Variants in SDCCAG8 observed in about 807,000 individuals in gnomAD.
SDCCAG8 encodes the protein SHH signaling and ciliogenesis regulator SDCCAG8, also known as serologically defined colon cancer antigen 8.
A neutral mutation model predicts 101.8 loss-of-function variants in SDCCAG8; 74 were observed. The ratio of observed to expected loss-of-function variants is 0.73; its 90% CI spans 0.60 to 0.88. The LOEUF (loss-of-function observed/expected upper bound fraction) is 0.88. Ranked by LOEUF, SDCCAG8 falls within the 40% of genes least tolerant of loss-of-function variation. The probability of loss-of-function intolerance (pLI) is 0.00; values close to 1 mark genes in which losing one functional copy is unlikely to be tolerated. For missense variants in SDCCAG8, 787 were observed against 822.6 expected (o/e 0.96, Z 0.53); for synonymous variants, 281 against 292.9 (o/e 0.96, Z 0.41).
intron 10 of SDCCAG8, among the ~76,000 whole-genome samples, chr1:243,335,535 G>A (rs1289885476): frequency 7.2e-5 from 11 of 152,282 alleles, no homozygotes; most frequent in African/African-American, 2.4e-4. Context: ...TATTCCAGGT[G>A]CCTTCATATG....
intron 13 of SDCCAG8, 34 bp from the exon 14 acceptor site, chr1:243,415,668 T>A (rs1277454196): frequency 6.2e-7 from 1 of 1,613,368 alleles, no homozygotes; most frequent in Non-Finnish European, 8.5e-7. Flanking sequence ...CATCTGCAGA[T>A]TAAATTTCTG....
At chr1:243,315,606 A>T (rs553593224) in intron 8 of SDCCAG8, among the ~76,000 whole-genome samples, 104 of 152,300 alleles carry the variant, frequency 6.8e-4, no homozygotes, top group African/African-American at 2.4e-3. Flanking sequence ...GCTGCTTTCC[A>T]AATACCACAA....
Position 243,293,105 on chromosome 1 carries a change from TTCTTGG to T in SDCCAG8, c.562_567del (p.Ser188_Trp189del). On this transcript the variant is annotated inframe_deletion, in exon 6 of 18. Transcript: ENST00000366541. ...TTTTATTTTAGGGAAACATGCACAA[TTCTTGG>T]ATTACAACAGGTGAAGATTCTGGGG... The T allele has an allele frequency of 6.2e-7, 1 of 1,614,160 alleles. No homozygotes were observed. Among genetic ancestry groups the T allele is most frequent in the Admixed American group, 1.7e-5 (1 of 60,024 alleles).
At chr1:243,330,482 T>G in intron 9 of SDCCAG8, 58 bp from the exon 10 acceptor site, 1 of 1,562,030 alleles carries the variant, frequency 6.4e-7, no homozygotes, top group Non-Finnish European at 8.8e-7. Context: ...ATTATGTCAT[T>G]TTACCTATAT....
rs921974358 is a variant in SDCCAG8, at chr1:243,477,140, T to A, written c.1986-11874T>A. Among the ~76,000 whole-genome samples, 10 of 152,200 alleles carry A rather than the reference T, an allele frequency of 6.6e-5. No individual in the cohort carries two copies. In the South Asian group the frequency reaches 2.1e-3, roughly 31 times the overall value. On this transcript the variant is annotated intron_variant, in intron 16 of 17. Transcript: ENST00000366541. The stretch of plus-strand genomic sequence containing the variant: ...TATTCTCTGTAATATTCTTGCAACT[T>A]TTTATAAGTTTGACATTATTTCCAA...
intron 16 of SDCCAG8, chr1:243,488,085 G>A (rs1328183985): frequency 1.3e-5 from 2 of 152,262 alleles, no homozygotes; most frequent in East Asian, 3.9e-4. Context: ...CCACATGTGC[G>A]GCCTTTTTTG....
At chr1:243,476,985 G>A (rs1049346734) in intron 16 of SDCCAG8, among the ~76,000 whole-genome samples, 1 of 147,614 alleles carries the variant, frequency 6.8e-6, no homozygotes, top group Admixed American at 7.0e-5. Context: ...GCAGCTTACT[G>A]TCAACTGGTT....
intron 12 of SDCCAG8, among the ~76,000 whole-genome samples, chr1:243,347,922 G>A (rs1213059346): frequency 6.6e-6 from 1 of 151,758 alleles, no homozygotes; most frequent in Non-Finnish European, 1.5e-5. Context: ...AAGCAGGAAA[G>A]AAGTGATATT....
intron 12 of SDCCAG8, among the ~76,000 whole-genome samples, chr1:243,350,363 C>A (rs1256705433): frequency 6.6e-6 from 1 of 152,000 alleles, no homozygotes; most frequent in African/African-American, 2.4e-5. Flanking sequence ...AGCACGCCAC[C>A]ACCCCCAGCT....
At chr1:243,464,793 C>T (rs1055661164) in intron 16 of SDCCAG8, among the ~76,000 whole-genome samples, 3 of 152,214 alleles carry the variant, frequency 2.0e-5, no homozygotes, top group Admixed American at 6.5e-5. Flanking sequence ...GAGTGAGACT[C>T]CTTCCTGCTG....
intron 16 of SDCCAG8, among the ~76,000 whole-genome samples, chr1:243,444,295 G>A (rs2082745233): frequency 6.6e-6 from 1 of 151,820 alleles, no homozygotes; most frequent in Non-Finnish European, 1.5e-5. Flanking sequence ...AGGAATTCAA[G>A]TGTGATTTAG....
At position 243,344,178 on chromosome 1, in the gene SDCCAG8, C is replaced by A. The variant is rs369865934; in HGVS notation, c.1357-37C>A. 3.3e-6 allele frequency: 5 copies of A among 1,528,620 alleles called. No homozygotes were observed. The African/African-American group carries it at 6.8e-5, about 21-fold the overall frequency. The allele number at this position is 1,528,620 out of a possible 1,614,324, so 94.7% of individuals were successfully genotyped here. A position where few individuals can be genotyped will look rare whatever the true frequency, so the allele number is the denominator to read the frequency against. ...AATTGCAGGCATTGCCTGGTAGATTCCAGCAGGTAATCATCCAGTTTTTTA... is the reference window on the plus strand; with the variant it reads ...AATTGCAGGCATTGCCTGGTAGATTACAGCAGGTAATCATCCAGTTTTTTA... On this transcript the variant is annotated intron_variant, in intron 11 of 17. Transcript: ENST00000366541.
At chr1:243,483,061 C>G (rs996610673) in intron 16 of SDCCAG8, among the ~76,000 whole-genome samples, 1 of 152,202 alleles carries the variant, frequency 6.6e-6, no homozygotes, top group African/African-American at 2.4e-5. Flanking sequence ...AAAAACAAGA[C>G]ACACAGAACA....
In SDCCAG8 at chr1:243,293,086, T is replaced by G. The variant is rs1417855563; in HGVS notation, c.547-5T>G. The stretch of plus-strand genomic sequence containing the variant: ...AGTTGCAGTTACTGGCACATTTTAT[T>G]TTAGGGAAACATGCACAATTCTTGG... On this transcript the variant is annotated splice_polypyrimidine_tract_variant and splice_region_variant and intron_variant, in intron 5 of 17. Coordinates refer to ENST00000366541, the MANE Select transcript of SDCCAG8 (RefSeq NM_006642.5). The G allele has an allele frequency of 5.0e-6, 8 of 1,614,118 alleles. No individual in the cohort carries two copies. The highest frequency in any genetic ancestry group is 6.8e-6 in the Non-Finnish European group (8 of 1,180,006).
intron 12 of SDCCAG8, among the ~76,000 whole-genome samples, chr1:243,348,530 G>A (rs928049099): frequency 1.3e-5 from 2 of 152,102 alleles, no homozygotes; most frequent in African/African-American, 2.4e-5. Context: ...CTAGGTGGAG[G>A]GACCCACCCC....
At chr1:243,397,866 G>T (rs1389232002) in intron 13 of SDCCAG8, among the ~76,000 whole-genome samples, 1 of 152,200 alleles carries the variant, frequency 6.6e-6, no homozygotes, top group African/African-American at 2.4e-5. Context: ...TGTTTTCTAA[G>T]ACCTATTAAA....
intron 5 of SDCCAG8, among the ~76,000 whole-genome samples, chr1:243,291,814 C>T (rs2070297698): frequency 6.6e-6 from 1 of 152,234 alleles, no homozygotes; most frequent in East Asian, 1.9e-4. Context: ...GTTAAGGGCT[C>T]AGTACCACAT....
chr1:243,260,048 T>C (rs1398456851), intron 1 of SDCCAG8, among the ~76,000 whole-genome samples: 2 of 152,212 alleles, frequency 1.3e-5, no homozygotes, highest in African/African-American at 4.8e-5. Context: ...TCAGTGGATT[T>C]GCTGTTTGAC....
At chr1:243,464,783 G>C (rs573498692) in intron 16 of SDCCAG8, among the ~76,000 whole-genome samples, 78 of 152,358 alleles carry the variant, frequency 5.1e-4, no homozygotes, top group African/African-American at 1.8e-3. Context: ...TGCATAGGGT[G>C]AGTGAGACTC....
Sources: allele counts gnomAD v4.1 joint callset (sites outside exome capture counted in the v4.1 genomes callset), GRCh38; gene constraint gnomAD v4.1.1; transcripts MANE v1.5; gene names NCBI Gene and HGNC (gene_info 2026-07-23, HGNC 2026-07-21).